SH3RF3: variants seen among roughly 807,000 people sequenced by gnomAD.
SH3RF3 encodes E3 ubiquitin-protein ligase SH3RF3.
SH3RF3 carries 29 observed loss-of-function variants against 66.3 expected under a neutral mutation model. That is an observed-to-expected ratio of 0.44 (90% CI 0.33 to 0.60). SH3RF3 has a LOEUF of 0.60. Among genes scored for constraint, SH3RF3 ranks in the 20% least tolerant of loss-of-function variants. The probability of loss-of-function intolerance (pLI) is 0.04; values close to 1 mark genes in which losing one functional copy is unlikely to be tolerated. For missense variants in SH3RF3, 1,194 were observed against 1,190.9 expected (o/e 1.00, Z -0.04); for synonymous variants, 583 against 532.0 (o/e 1.10, Z -1.32).
At chr2:109,154,737 G>A (rs1677298291) in intron 1 of SH3RF3, among the ~76,000 whole-genome samples, 1 of 152,184 alleles carries the variant, frequency 6.6e-6, no homozygotes, top group Non-Finnish European at 1.5e-5. Flanking sequence ...GGTGATGGTA[G>A]GGACTTTGGG....
chr2:109,310,091 G>T lies in SH3RF3; in HGVS notation c.574-37583G>T, dbSNP rs1681692227. On this transcript the variant is annotated intron_variant, in intron 1 of 9. Coordinates refer to ENST00000309415, the MANE Select transcript of SH3RF3 (RefSeq NM_001099289.3). ...TCCAAAATTGACCACATGGTTGGAA[G>T]TAAAGCTCTCCTCAGCAAATGTAAA... Among the ~76,000 whole-genome samples, 3 of 105,090 alleles carry T rather than the reference G, an allele frequency of 2.9e-5. 1 individual carries two copies. The highest frequency in any genetic ancestry group is 5.3e-5 in the Non-Finnish European group (3 of 56,352). The allele number at this position is 105,090 out of a possible 152,430, so 68.9% of individuals were successfully genotyped here.
intron 1 of SH3RF3, among the ~76,000 whole-genome samples, chr2:109,143,712 C>G (rs1036636346): frequency 1.3e-5 from 2 of 151,992 alleles, no homozygotes; most frequent in African/African-American, 4.8e-5. Flanking sequence ...CGTGATCGCA[C>G]CACTGCACTC....
chr2:109,432,605 A>AG lies in SH3RF3; in HGVS notation c.1513dup (p.Ala505GlyfsTer33), dbSNP rs773736864. ...GAGAAGTGTCAGGATGGCTGGTTCA[A>AG]GGGGGCGTCTCTGAGGACCGGGGTC... On this transcript the variant is annotated frameshift_variant, in exon 6 of 10. Transcript: ENST00000309415. LOFTEE classifies it high-confidence loss of function. 1 of 1,613,408 alleles carries AG rather than the reference A, an allele frequency of 6.2e-7. No homozygotes were observed. The highest frequency in any genetic ancestry group is 8.5e-7 in the Non-Finnish European group (1 of 1,179,690).
At chr2:109,340,012 A>G (rs1052231203) in intron 1 of SH3RF3, among the ~76,000 whole-genome samples, 1 of 152,044 alleles carries the variant, frequency 6.6e-6, no homozygotes, top group Admixed American at 6.6e-5. Context: ...ACCTTGCTAC[A>G]TTTTTCTCAC....
intron 1 of SH3RF3, among the ~76,000 whole-genome samples, chr2:109,158,169 A>G (rs2104897204): frequency 6.6e-6 from 1 of 152,256 alleles, no homozygotes; most frequent in South Asian, 2.1e-4. Context: ...TCAGACTTCA[A>G]AACACACGAC....
intron 3 of SH3RF3, among the ~76,000 whole-genome samples, chr2:109,373,249 C>T (rs1351417811): frequency 6.6e-6 from 1 of 152,204 alleles, no homozygotes; most frequent in African/African-American, 2.4e-5. Flanking sequence ...GCGCGAATAC[C>T]ACTTACAATG....
At chr2:109,357,863 T>C (rs1242276379) in intron 2 of SH3RF3, among the ~76,000 whole-genome samples, 1 of 152,240 alleles carries the variant, frequency 6.6e-6, no homozygotes, top group Non-Finnish European at 1.5e-5. Flanking sequence ...TCCTGCATTG[T>C]CAACATCACT....
intron 8 of SH3RF3, among the ~76,000 whole-genome samples, chr2:109,467,529 C>G (rs72947138): frequency 0.029 from 4,435 of 152,286 alleles, 97 homozygotes; most frequent in Middle Eastern, 0.071. Flanking sequence ...ACCGTGAGGG[C>G]AGCGGCAATG....
rs749986705 is a variant in SH3RF3 at position 109,249,647 on chromosome 2, C to CTCTTTCTTTCTT, written c.574-98018_574-98007dup. ...TTTCTCTCTCTCTTTCTCTGTTTCT[C>CTCTTTCTTTCTT]TCTTTCTTTCTTTCTTTCTTGACAG... On this transcript the variant is annotated intron_variant, in intron 1 of 9. Transcript: ENST00000309415. 4.2e-4 allele frequency among the ~76,000 whole-genome samples: 55 copies of CTCTTTCTTTCTT among 130,862 alleles called. 1 individual carries two copies. Among genetic ancestry groups the CTCTTTCTTTCTT allele is most frequent in the African/African-American group, 1.6e-3 (53 of 33,176 alleles). The allele number at this position is 130,862 out of a possible 152,430, so 85.9% of individuals were successfully genotyped here.
At chr2:109,273,175 T>C (rs1282303808) in intron 1 of SH3RF3, among the ~76,000 whole-genome samples, 1 of 152,226 alleles carries the variant, frequency 6.6e-6, no homozygotes, top group Non-Finnish European at 1.5e-5. Context: ...AAGGCAGTGC[T>C]CATTAACTAG....
rs11123744 is a variant in SH3RF3, at chr2:109,404,550, C to G, written c.1299+5607C>G. On this transcript the variant is annotated intron_variant, in intron 4 of 9. Transcript: ENST00000309415. ...GGCTGGCCACAAGCACAGTCAAGGT[C>G]GCCAAGGAGCTGCTGGGGCTGGCCA... Among the ~76,000 whole-genome samples, 4 of 152,040 alleles carry G rather than the reference C, an allele frequency of 2.6e-5. No individual in the cohort carries two copies. The East Asian group carries it at 7.8e-4, about 30-fold the overall frequency.
At chr2:109,291,061 A>G (rs1681158110) in intron 1 of SH3RF3, among the ~76,000 whole-genome samples, 1 of 152,198 alleles carries the variant, frequency 6.6e-6, no homozygotes, top group Non-Finnish European at 1.5e-5. Context: ...GCTTAACACA[A>G]CAAATAATCC....
chr2:109,224,980 C>G (rs1433222548), intron 1 of SH3RF3, among the ~76,000 whole-genome samples: 1 of 152,080 alleles, frequency 6.6e-6, no homozygotes, highest in East Asian at 1.9e-4. Flanking sequence ...TTTTAAAAAT[C>G]TTATTTTAAA....
At chr2:109,347,222 T>C (rs1398970337) in intron 1 of SH3RF3, among the ~76,000 whole-genome samples, 1 of 152,166 alleles carries the variant, frequency 6.6e-6, no homozygotes, top group African/African-American at 2.4e-5. Context: ...TAGGAGCCAG[T>C]GGAAAATGAT....
At chr2:109,256,341 G>A (rs1431928903) in intron 1 of SH3RF3, among the ~76,000 whole-genome samples, 3 of 152,216 alleles carry the variant, frequency 2.0e-5, no homozygotes, top group African/African-American at 7.2e-5. Flanking sequence ...AGCTTGGAAG[G>A]TGCTCTGGGC....
At chr2:109,152,696 C>T (rs950809740) in intron 1 of SH3RF3, among the ~76,000 whole-genome samples, 1 of 152,034 alleles carries the variant, frequency 6.6e-6, no homozygotes, top group Admixed American at 6.6e-5. Context: ...GAACCCAGCT[C>T]ATCATTGGAA....
At chr2:109,438,573 T>C (rs1439154193) in intron 7 of SH3RF3, among the ~76,000 whole-genome samples, 3 of 152,190 alleles carry the variant, frequency 2.0e-5, no homozygotes, top group Admixed American at 1.3e-4. Context: ...TTAAATCAGC[T>C]AAGAATGATT....
chr2:109,420,737 G>T lies in SH3RF3; in HGVS notation c.1403+1095G>T, dbSNP rs114469204. ...TGGGATTACAGGCATGAGCCACCGCGCCCGGCCAAACAGGATGTATTTCAA... is the reference window on the plus strand; with the variant it reads ...TGGGATTACAGGCATGAGCCACCGCTCCCGGCCAAACAGGATGTATTTCAA... On this transcript the variant is annotated intron_variant, in intron 5 of 9. Transcript: ENST00000309415. Among the ~76,000 whole-genome samples, 771 of 152,228 alleles carry T rather than the reference G, an allele frequency of 5.1e-3. 7 individuals are homozygous for T. Among genetic ancestry groups the T allele is most frequent in the African/African-American group, 0.017 (723 of 41,540 alleles).
chr2:109,221,351 G>A (rs766515622), intron 1 of SH3RF3, among the ~76,000 whole-genome samples: 1 of 152,162 alleles, frequency 6.6e-6, no homozygotes, highest in Non-Finnish European at 1.5e-5. Context: ...GGGAGGCTGA[G>A]ACAGGCAGAT....
Sources: gnomAD v4.1 joint callset for allele counts (sites outside exome capture counted in the v4.1 genomes callset) on GRCh38, gnomAD v4.1.1 for gene constraint, MANE v1.5 for transcripts, NCBI Gene and HGNC (gene_info 2026-07-23, HGNC 2026-07-21) for gene names.